Variants in B4GALT5 observed in about 807,000 individuals in gnomAD.
B4GALT5 encodes UDP-Gal:beta-GlcNAc beta-1,4-galactosyltransferase 5.
Under a neutral mutation model 45.0 loss-of-function variants are expected in B4GALT5, and 11 were observed. The ratio of observed to expected loss-of-function variants is 0.24; its 90% CI spans 0.15 to 0.40. B4GALT5 has a LOEUF of 0.40. Ranked by LOEUF, B4GALT5 falls within the 10% of genes least tolerant of loss-of-function variation. B4GALT5 has a pLI of 1.00. For synonymous variants in B4GALT5, 185 were observed against 182.9 expected, an observed-to-expected ratio of 1.01 and a Z score of -0.09; for missense variants, 337 against 500.2, an observed-to-expected ratio of 0.67 and a Z score of 3.11.
At chr20:49,646,096 G>A (rs771765892) in intron 3 of B4GALT5, among the ~76,000 whole-genome samples, 3 of 152,316 alleles carry the variant, frequency 2.0e-5, no homozygotes, top group South Asian at 2.1e-4. Context: ...CTCCTCAGGA[G>A]GCTGAGGCAA....
At chr20:49,639,878 C>T in intron 6 of B4GALT5, 78 bp from the exon 7 acceptor site, 1 of 1,557,678 alleles carries the variant, frequency 6.4e-7, no homozygotes, top group Non-Finnish European at 8.7e-7. Context: ...CATTTGAGGA[C>T]TAAAAACAGT....
chr20:49,656,597 G>A lies in B4GALT5; in HGVS notation c.221C>T (p.Ala74Val), dbSNP rs2085644018. Residue 74 changes from alanine to valine, a missense_variant, in exon 2 of 9, where the codon GCC (alanine) becomes GTC (valine). Ala to Val is a moderately conservative substitution (Grantham distance 64). Around this residue, in one of 2 missense-constraint regions of B4GALT5, gnomAD observed 174 missense variants for 207.4 expected, o/e 0.84. Transcript: ENST00000371711. ...GTCATTTACACTGCTGTTCCTCTTG[G>A]CATAAGCACTCCGAAGCACCTGCTC... is the stretch of plus-strand genomic sequence containing the variant. ...VYEQVLRSAY[A>V]KRNSSVNDSD... is the part of the protein sequence containing the mutation. 1 of 1,614,000 alleles carries A rather than the reference G, an allele frequency of 6.2e-7. No homozygotes were observed. Among genetic ancestry groups the A allele is most frequent in the Non-Finnish European group, 8.5e-7 (1 of 1,179,998 alleles).
chr20:49,705,976 TAGAGACC>T (rs2085882110), intron 1 of B4GALT5, among the ~76,000 whole-genome samples: 1 of 147,268 alleles, frequency 6.8e-6, no homozygotes, highest in Non-Finnish European at 1.5e-5. Flanking sequence ...GGTCTGGAGT[TAGAGACC>T]AGCCTGGCTA....
intron 2 of B4GALT5, among the ~76,000 whole-genome samples, chr20:49,648,019 C>T (rs185607941): frequency 2.0e-5 from 3 of 152,248 alleles, no homozygotes; most frequent in Admixed American, 2.0e-4. Context: ...CTTTACTCAA[C>T]CTTCCTTTAA....
intron 1 of B4GALT5, among the ~76,000 whole-genome samples, chr20:49,666,144 T>A (rs1436604334): frequency 6.6e-6 from 1 of 152,180 alleles, no homozygotes; most frequent in Non-Finnish European, 1.5e-5. Flanking sequence ...CTTTTTAGTA[T>A]CCACATCTAA....
At chr20:49,710,329 T>C (rs563531780) in intron 1 of B4GALT5, among the ~76,000 whole-genome samples, 26 of 152,106 alleles carry the variant, frequency 1.7e-4, no homozygotes, top group Non-Finnish European at 3.5e-4. Context: ...ACTGCTGATA[T>C]ACAACTGTTT....
intron 3 of B4GALT5, among the ~76,000 whole-genome samples, chr20:49,644,141 G>C (rs1036549552): frequency 1.1e-4 from 17 of 151,874 alleles, no homozygotes; most frequent in African/African-American, 3.6e-4. Flanking sequence ...TGGCCAGGCT[G>C]GTCTCGAACT....
At chr20:49,662,753 T>C (rs1335604803) in intron 1 of B4GALT5, among the ~76,000 whole-genome samples, 1 of 152,206 alleles carries the variant, frequency 6.6e-6, no homozygotes, top group Non-Finnish European at 1.5e-5. Flanking sequence ...TCATTCCTCA[T>C]AAAGCTTTTA....
chr20:49,669,344 C>T (rs2085705731), intron 1 of B4GALT5, among the ~76,000 whole-genome samples: 1 of 152,148 alleles, frequency 6.6e-6, no homozygotes, highest in South Asian at 2.1e-4. Context: ...AGAGTACAGA[C>T]AGTCTTATTC....
intron 2 of B4GALT5, among the ~76,000 whole-genome samples, chr20:49,653,751 T>G (rs1816693367): frequency 6.6e-6 from 1 of 152,190 alleles, no homozygotes; most frequent in African/African-American, 2.4e-5. Flanking sequence ...ATTAGAGAAA[T>G]AAACACGTTT....
chr20:49,682,896 C>G (rs1321598358), intron 1 of B4GALT5, among the ~76,000 whole-genome samples: 1 of 152,014 alleles, frequency 6.6e-6, no homozygotes, highest in Non-Finnish European at 1.5e-5. Context: ...AGTTTAAGAT[C>G]AGCCTGGGCA....
Position 49,639,746 on chromosome 20 carries a change from A to T in B4GALT5, c.849T>A (p.Phe283Leu). The change falls in exon 7 of 9, where the codon TTT (phenylalanine) becomes TTA (leucine). Residue 283 changes from phenylalanine (F) to leucine (L), a missense_variant. Coordinates refer to ENST00000371711, the MANE Select transcript of B4GALT5 (RefSeq NM_004776.4). ...CATTAGGAAAGCCATTGATTTTCCG[A>T]AATTGTTCCACTGTTAAGCCACTCA... is the stretch of plus-strand genomic sequence containing the variant. Reference protein sequence around the residue: ...GGVSGLTVEQFRKINGFPNAF... With the variant: ...GGVSGLTVEQLRKINGFPNAF... 1 of 1,613,796 alleles carries T rather than the reference A, an allele frequency of 6.2e-7. No homozygotes were observed. Among genetic ancestry groups the T allele is most frequent in the Non-Finnish European group, 8.5e-7 (1 of 1,179,768 alleles).
chr20:49,691,565 T>C (rs2085812398), intron 1 of B4GALT5, among the ~76,000 whole-genome samples: 1 of 152,048 alleles, frequency 6.6e-6, no homozygotes, highest in South Asian at 2.1e-4. Context: ...CTGCAGTATA[T>C]GGTAGAGTCC....
chr20:49,671,360 G>A (rs986676019), intron 1 of B4GALT5, among the ~76,000 whole-genome samples: 1 of 152,152 alleles, frequency 6.6e-6, no homozygotes, highest in Non-Finnish European at 1.5e-5. Flanking sequence ...GAGTGACAGA[G>A]TGAGACTCTG....
At chr20:49,663,269 T>TATTC (rs1392000093) in intron 1 of B4GALT5, among the ~76,000 whole-genome samples, 9 of 152,310 alleles carry the variant, frequency 5.9e-5, no homozygotes, top group African/African-American at 9.6e-5. Context: ...TATTCAGATA[T>TATTC]ATTCATTTTC....
At chr20:49,694,658 A>AAAGGGAAAG (rs2085830545) in intron 1 of B4GALT5, among the ~76,000 whole-genome samples, 11 of 142,918 alleles carry the variant, frequency 7.7e-5, no homozygotes, top group African/African-American at 2.7e-4. Context: ...GAAAGGGAAA[A>AAAGGGAAAG]GGAAAGGGAA....
intron 1 of B4GALT5, among the ~76,000 whole-genome samples, chr20:49,703,891 G>GA (rs34950656): frequency 0.51 from 72,496 of 142,354 alleles, 18,155 homozygotes; most frequent in South Asian, 0.65. Context: ...TCCATCTCAG[G>GA]AAAAAAAAAA....
chr20:49,650,149 T>C (rs2085615590), intron 2 of B4GALT5, among the ~76,000 whole-genome samples: 1 of 152,074 alleles, frequency 6.6e-6, no homozygotes, highest in Non-Finnish European at 1.5e-5. Context: ...CAAACAATGA[T>C]ACAGTAAGCC....
intron 7 of B4GALT5, among the ~76,000 whole-genome samples, chr20:49,638,103 C>G (rs2085561570): frequency 6.6e-6 from 1 of 151,640 alleles, no homozygotes; most frequent in African/African-American, 2.4e-5. Flanking sequence ...AGTGCAGCCT[C>G]AATCTCCCAG....
Sources: gnomAD v4.1 joint callset for allele counts (sites outside exome capture counted in the v4.1 genomes callset) on GRCh38, gnomAD v4.1.1 for gene constraint, gnomAD v4.1.1 regional missense constraint, MANE v1.5 for transcripts, NCBI Gene and HGNC (gene_info 2026-07-23, HGNC 2026-07-21) for gene names.